The following ROBO2 variants were observed in gnomAD, a reference collection of about 807,000 sequenced individuals.
The protein encoded by ROBO2 is roundabout homolog 2.
In ROBO2, 53 loss-of-function variants were observed where a neutral mutation model predicts 160.8. The observed-to-expected ratio is 0.33, with a 90% CI of 0.26 to 0.41. ROBO2 has a LOEUF of 0.41. Ranked by LOEUF, ROBO2 falls within the 10% of genes least tolerant of loss-of-function variation. ROBO2 has a pLI of 1.00. For missense variants in ROBO2, 1,577 were observed against 1,722.4 expected (o/e 0.92, Z 1.49); for synonymous variants, 664 against 611.7 (o/e 1.09, Z -1.26).
intron 2 of ROBO2, among the ~76,000 whole-genome samples, chr3:76,874,076 C>G (rs2148699339): frequency 6.6e-6 from 1 of 152,146 alleles, no homozygotes; most frequent in Middle Eastern, 3.4e-3. Flanking sequence ...GGTTAGTGGG[C>G]CAGCCACAGT....
At chr3:77,500,640 C>T (rs1462349654) in intron 5 of ROBO2, among the ~76,000 whole-genome samples, 1 of 152,110 alleles carries the variant, frequency 6.6e-6, no homozygotes, top group Admixed American at 6.5e-5. Flanking sequence ...TCAAGTTTAC[C>T]TTCTTGGAAA....
chr3:76,809,531 A>T (rs2108967337), intron 2 of ROBO2, among the ~76,000 whole-genome samples: 1 of 152,240 alleles, frequency 6.6e-6, no homozygotes, highest in African/African-American at 2.4e-5. Flanking sequence ...TGATTGGATC[A>T]AATCACCAAT....
intron 6 of ROBO2, among the ~76,000 whole-genome samples, chr3:77,536,411 T>A (rs2092107020): frequency 6.6e-6 from 1 of 151,982 alleles, no homozygotes. Context: ...CTTTTCTCTC[T>A]CCTTCTTTTC....
At chr3:77,066,647 TAGGA>T (rs997789804) in intron 1 of ROBO2, among the ~76,000 whole-genome samples, 2 of 152,140 alleles carry the variant, frequency 1.3e-5, no homozygotes, top group African/African-American at 4.8e-5. Flanking sequence ...TAATGTTAAA[TAGGA>T]CAGTACTTTA....
intron 2 of ROBO2, among the ~76,000 whole-genome samples, chr3:76,814,427 T>A (rs915122522): frequency 1.3e-5 from 2 of 152,142 alleles, no homozygotes; most frequent in Admixed American, 6.6e-5. Context: ...GCTGTCACTG[T>A]AAGGAGCAAA....
At chr3:77,644,347 A>T (rs1583485961) in intron 24 of ROBO2, among the ~76,000 whole-genome samples, 1 of 152,332 alleles carries the variant, frequency 6.6e-6, no homozygotes, top group African/African-American at 2.4e-5. Flanking sequence ...TGGGAAAATT[A>T]AATTGGAGCC....
chr3:76,304,792 TTC>T (rs1175586596), intron 2 of ROBO2, among the ~76,000 whole-genome samples: 2 of 145,522 alleles, frequency 1.4e-5, no homozygotes, highest in African/African-American at 5.1e-5. Context: ...CTTTCTTTCT[TTC>T]TTTCTCTTTC....
chr3:76,035,858 A>G (rs2067088916), intron 2 of ROBO2, among the ~76,000 whole-genome samples: 1 of 152,000 alleles, frequency 6.6e-6, no homozygotes, highest in Non-Finnish European at 1.5e-5. Flanking sequence ...GTGTTGGCAC[A>G]TTTTTAACTC....
chr3:76,056,279 C>G (rs992788933), intron 2 of ROBO2, among the ~76,000 whole-genome samples: 2 of 152,026 alleles, frequency 1.3e-5, no homozygotes, highest in African/African-American at 4.8e-5. Context: ...GGTCCTAGAA[C>G]CAGTGCCCCA....
At chr3:76,425,474 C>T (rs1358072145) in intron 2 of ROBO2, among the ~76,000 whole-genome samples, 1 of 148,970 alleles carries the variant, frequency 6.7e-6, no homozygotes, top group Non-Finnish European at 1.5e-5. Context: ...CTTTGAAGAT[C>T]CATGATGCAG....
At chr3:76,397,095 A>C (rs1296049964) in intron 2 of ROBO2, among the ~76,000 whole-genome samples, 1 of 152,204 alleles carries the variant, frequency 6.6e-6, no homozygotes, top group African/African-American at 2.4e-5. Flanking sequence ...TACAGTAACC[A>C]AAACGGCATG....
rs1161370147 is a variant in ROBO2, at chr3:77,293,966, C to A, written c.389-183448C>A. Among the ~76,000 whole-genome samples the A allele has an allele frequency of 3.5e-5, 5 of 143,866 alleles. 1 individual carries two copies. Among genetic ancestry groups the A allele is most frequent in the African/African-American group, 1.3e-4 (5 of 37,310 alleles). The allele number at this position is 143,866 out of a possible 152,430, so 94.4% of individuals were successfully genotyped here. The stretch of plus-strand genomic sequence containing the variant: ...TTAAACGGGTAAGCTGAGGCTAGAT[C>A]ACCCCAGACATAAAGTAAAATTGAC... On this transcript the variant is annotated intron_variant, in intron 2 of 25. Transcript: ENST00000461745.
intron 2 of ROBO2, among the ~76,000 whole-genome samples, chr3:76,273,267 T>G (rs763795593): frequency 4.7e-5 from 7 of 149,902 alleles, no homozygotes; most frequent in African/African-American, 1.5e-4. Context: ...ATTCCACAGA[T>G]GTAGCAATGA....
chr3:76,070,290 T>G (rs6776807), intron 2 of ROBO2, among the ~76,000 whole-genome samples: 1 of 151,542 alleles, frequency 6.6e-6, no homozygotes, highest in African/African-American at 2.4e-5. Flanking sequence ...TGGAACATCC[T>G]TGAGAAAGAG....
chr3:76,218,192 A>C lies in ROBO2; in HGVS notation c.109+280590A>C, dbSNP rs192840158. Among the ~76,000 whole-genome samples the C allele has an allele frequency of 1.8e-4, 27 of 152,268 alleles. No individual in the cohort carries two copies. In the East Asian group the frequency reaches 2.3e-3, roughly 13 times the overall value. ...ATAACAAGAGCTATCTATTGCAAAC[A>C]CACAGCCAATATCATACTGAATGGA... On this transcript the variant is annotated intron_variant, in intron 2 of 26. Transcript: ENST00000487694.
chr3:77,638,495 C>T (rs750187572), intron 24 of ROBO2, among the ~76,000 whole-genome samples: 1 of 152,082 alleles, frequency 6.6e-6, no homozygotes, highest in South Asian at 2.1e-4. Context: ...AACTCTGCCA[C>T]GTGGTGTCAA....
chr3:76,498,778 A>T (rs980973832), intron 2 of ROBO2, among the ~76,000 whole-genome samples: 14 of 149,058 alleles, frequency 9.4e-5, no homozygotes, highest in African/African-American at 3.5e-4. Context: ...CGCCTCCAGG[A>T]TTCAGGATTC....
At chr3:77,463,325 T>C (rs750248601) in intron 2 of ROBO2, among the ~76,000 whole-genome samples, 19 of 152,166 alleles carry the variant, frequency 1.2e-4, no homozygotes, top group Non-Finnish European at 2.5e-4. Context: ...TAAAATGAAC[T>C]AGGTAAAACT....
intron 2 of ROBO2, among the ~76,000 whole-genome samples, chr3:76,178,888 C>T (rs2073327140): frequency 6.6e-6 from 1 of 152,116 alleles, no homozygotes; most frequent in Non-Finnish European, 1.5e-5. Flanking sequence ...TTGCAATGAG[C>T]TGAGGTCGTG....
Sources: allele counts gnomAD v4.1 joint callset (sites outside exome capture counted in the v4.1 genomes callset), GRCh38; gene constraint gnomAD v4.1.1; transcripts MANE v1.5; gene names NCBI Gene and HGNC (gene_info 2026-07-23, HGNC 2026-07-21).